ARFGAP1: variants seen among roughly 807,000 people sequenced by gnomAD.
ARFGAP1 encodes ARF GTPase activating protein 1.
ARFGAP1 carries 26 observed loss-of-function variants against 54.0 expected under a neutral mutation model. That is an observed-to-expected ratio of 0.48 (90% CI 0.35 to 0.67). ARFGAP1 has a LOEUF of 0.67. ARFGAP1 is among the 30% of genes least tolerant of loss of function. ARFGAP1 has a pLI of 0.00. For synonymous variants in ARFGAP1, 248 were observed against 211.9 expected, an observed-to-expected ratio of 1.17 and a Z score of -1.48; for missense variants, 525 against 535.8, an observed-to-expected ratio of 0.98 and a Z score of 0.20.
At chr20:63,285,956 C>G (rs1419903086) in intron 11 of ARFGAP1, 14 of 1,502,566 alleles carry the variant, frequency 9.3e-6, no homozygotes, top group Non-Finnish European at 1.2e-5. Context: ...CTTGCTGCTG[C>G]TGGCCTTTTC....
chr20:63,281,545 C>T (rs546839036), intron 8 of ARFGAP1, among the ~76,000 whole-genome samples, 198 bp downstream of exon 8: 2 of 152,194 alleles, frequency 1.3e-5, no homozygotes, highest in East Asian at 3.9e-4. Context: ...ACACAGCAGC[C>T]CAGGCTGTCA....
In ARFGAP1 at chr20:63,278,951, A is replaced by G. The variant is rs2067307945; in HGVS notation, c.583A>G (p.Lys195Glu). 1 of 1,614,122 alleles carries G rather than the reference A, an allele frequency of 6.2e-7. No homozygotes were observed. The highest frequency in any genetic ancestry group is 1.7e-5 in the Admixed American group (1 of 60,028). The change falls in exon 7 of 13, where the codon AAA becomes GAA. Residue 195 changes from lysine to glutamate, a missense_variant. Physicochemically the swap from Lys to Glu is moderately conservative, Grantham distance 56. Coordinates refer to ENST00000370283, the MANE Select transcript of ARFGAP1 (RefSeq NM_018209.4). ...TGGGAACACGCCACCGCCTCAGAAG[A>G]AAGAAGATGACTTCCTCAACAACGC... ...GFGNTPPPQK[K>E]EDDFLNNAMS...
chr20:63,278,994 C>CGGTGAGGA lies in ARFGAP1; in HGVS notation c.627_627+7dup. 6.2e-7 allele frequency: 1 copy of CGGTGAGGA among 1,613,868 alleles called. No individual in the cohort carries two copies. The highest frequency in any genetic ancestry group is 8.5e-7 in the Non-Finnish European group (1 of 1,179,990). On this transcript the variant is annotated frameshift_variant and splice_region_variant, in exon 7 of 13. Transcript: ENST00000370283. LOFTEE classifies it high-confidence loss of function. ...AACAACGCCATGTCCTCCCTGTACTCGGTGAGGACTTGGCCCTGCAGAGCA... is the reference window on the plus strand; with the variant it reads ...AACAACGCCATGTCCTCCCTGTACTCGGTGAGGAGGTGAGGACTTGGCCCTGCAGAGCA...
chr20:63,287,524 G>A (rs757369456), intron 12 of ARFGAP1, 40 bp from the exon 13 acceptor site: 5 of 1,525,902 alleles, frequency 3.3e-6, no homozygotes, highest in South Asian at 2.5e-5. Context: ...GGTGGACTGA[G>A]TAACAGTCAT....
Position 63,287,551 on chromosome 20 carries a change from G to T in ARFGAP1, c.912-13G>T, listed in dbSNP as rs780461935. 3 of 1,568,408 alleles carry T rather than the reference G, an allele frequency of 1.9e-6. No individual in the cohort carries two copies. The highest frequency in any genetic ancestry group is 1.8e-5 in the Admixed American group (1 of 54,398). On this transcript the variant is annotated splice_polypyrimidine_tract_variant and intron_variant, in intron 12 of 12. Coordinates refer to ENST00000370283, the MANE Select transcript of ARFGAP1 (RefSeq NM_018209.4). The stretch of plus-strand genomic sequence containing the variant: ...AACAGTCATTTAGAGTCCCCCTTCT[G>T]TCTCTTTAAAAGCCCCTCGGAGGGC...
At chr20:63,274,486 A>C (rs2067185798) in intron 1 of ARFGAP1, among the ~76,000 whole-genome samples, 1 of 152,136 alleles carries the variant, frequency 6.6e-6, no homozygotes, top group South Asian at 2.1e-4. Flanking sequence ...AAGGGCTGGC[A>C]CTGGGAAGGT....
intron 11 of ARFGAP1, chr20:63,286,154 TG>T: frequency 6.5e-7 from 1 of 1,550,290 alleles, no homozygotes; most frequent in Non-Finnish European, 8.7e-7. Context: ...TGCACGAGGC[TG>T]TCCTCGCTGC....
At chr20:63,283,763 C>T in intron 9 of ARFGAP1, 7 of 1,485,736 alleles carry the variant, frequency 4.7e-6, no homozygotes, top group Non-Finnish European at 5.6e-6. Context: ...GTTGCGGCAC[C>T]CCATGGTGGG....
At chr20:63,280,443 C>T (rs574771166) in intron 7 of ARFGAP1, among the ~76,000 whole-genome samples, 89 of 152,292 alleles carry the variant, frequency 5.8e-4, no homozygotes, top group African/African-American at 2.1e-3. Context: ...CAGGCATGAG[C>T]CACCATGCCT....
In ARFGAP1 at chr20:63,278,321, G is replaced by A. The variant is rs930700513; in HGVS notation, c.530+118G>A. ...TGCAGTGGGTGTGGGACCCAGGCAT[G>A]CGCGGTGCAGGGTCTGATTGCAGTG... On this transcript the variant is annotated intron_variant, in intron 6 of 12. Transcript: ENST00000370283. The A allele has an allele frequency of 1.1e-5, 11 of 1,030,092 alleles. No individual in the cohort carries two copies. In the Admixed American group the frequency reaches 1.6e-4, roughly 15 times the overall value. 63.8% of individuals were successfully genotyped at this position (1,030,092 alleles called of 1,614,324 possible). A position where few individuals can be genotyped will look rare whatever the true frequency, so the allele number is the denominator to read the frequency against.
chr20:63,276,065 G>C lies in ARFGAP1; in HGVS notation c.61-26G>C, dbSNP rs1256989110. 3 of 1,605,750 alleles carry C rather than the reference G, an allele frequency of 1.9e-6. No homozygotes were observed. Among genetic ancestry groups the C allele is most frequent in the African/African-American group, 2.7e-5 (2 of 74,750 alleles). On this transcript the variant is annotated intron_variant, in intron 2 of 12. Coordinates refer to ENST00000370283, the MANE Select transcript of ARFGAP1 (RefSeq NM_018209.4). This position sits in a 1 kb window ranked among gnomAD's most constrained non-coding sequence, Gnocchi z 5.2. ...CCTGGGCTCTGCCCTGAGCCACCTG[G>C]TGAGTCACTTGTGGCCCCTTTGCAG...
intron 9 of ARFGAP1, chr20:63,283,227 A>C (rs993590878): frequency 3.3e-6 from 1 of 306,272 alleles, no homozygotes; most frequent in African/African-American, 2.1e-5. Context: ...GGCACACTGG[A>C]CGCGTCTGCA....
chr20:63,285,580 G>C (rs1052418337), intron 10 of ARFGAP1, 74 bp from the exon 11 acceptor site: 47 of 1,509,216 alleles, frequency 3.1e-5, no homozygotes, highest in Middle Eastern at 1.7e-4. Flanking sequence ...TCACCCGGGG[G>C]ATTCCTGCAC....
In ARFGAP1 at chr20:63,277,144, G is replaced by A. The variant is rs370379235; in HGVS notation, c.343-61G>A. 7.8e-5 allele frequency: 115 copies of A among 1,472,974 alleles called. No homozygotes were observed. The African/African-American group carries it at 1.1e-3, about 14-fold the overall frequency. The allele number at this position is 1,472,974 out of a possible 1,614,324, so 91.2% of individuals were successfully genotyped here. On this transcript the variant is annotated intron_variant, in intron 4 of 12. Coordinates refer to ENST00000370283, the MANE Select transcript of ARFGAP1 (RefSeq NM_018209.4). ...CCGTGGGGGGTGCGCTGGAGTCGAC[G>A]GTGCCCGAGGGCATCGCCAGGCGCC...
intron 7 of ARFGAP1, among the ~76,000 whole-genome samples, chr20:63,280,998 G>C (rs1169194993): frequency 6.6e-6 from 1 of 152,216 alleles, no homozygotes; most frequent in Non-Finnish European, 1.5e-5. Flanking sequence ...GAGGGGTCCT[G>C]CCCTGCAGGG....
rs761301351 is a variant in ARFGAP1, at chr20:63,278,099, T to G, written c.444-18T>G. ...TCACCCAGTTTTGGCCTTACCAGCCTTCGATTCTCGGTTTCAGAGTCTCTG... is the reference window on the plus strand; with the variant it reads ...TCACCCAGTTTTGGCCTTACCAGCCGTCGATTCTCGGTTTCAGAGTCTCTG... On this transcript the variant is annotated intron_variant, in intron 5 of 12. Coordinates refer to ENST00000370283, the MANE Select transcript of ARFGAP1 (RefSeq NM_018209.4). The G allele has an allele frequency of 1.2e-6, 2 of 1,613,122 alleles. No individual in the cohort carries two copies. The highest frequency in any genetic ancestry group is 2.2e-5 in the South Asian group (2 of 91,076).
At chr20:63,274,581 C>T (rs543314052) in intron 1 of ARFGAP1, among the ~76,000 whole-genome samples, 7 of 152,010 alleles carry the variant, frequency 4.6e-5, no homozygotes, top group South Asian at 4.2e-4. Flanking sequence ...GAACAGCACA[C>T]GGCTCCATTC....
Position 63,287,904 on chromosome 20 carries a change from C to T in ARFGAP1, c.*31C>T, listed in dbSNP as rs563190465. The T allele has an allele frequency of 1.2e-4, 175 of 1,472,128 alleles. No individual in the cohort carries two copies. The highest frequency in any genetic ancestry group is 5.8e-4 in the South Asian group (44 of 75,840). The allele number at this position is 1,472,128 out of a possible 1,614,324, so 91.2% of individuals were successfully genotyped here. A position where few individuals can be genotyped will look rare whatever the true frequency, so the allele number is the denominator to read the frequency against. On this transcript the variant is annotated 3_prime_UTR_variant, in exon 13 of 13. Transcript: ENST00000370283. The stretch of plus-strand genomic sequence containing the variant: ...ACTGCGCCCCCGTCCCCAGCGCCCC[C>T]GGGCGACTTCGTGTTTGCACTCTGC...
rs983161146 is a variant in ARFGAP1, at chr20:63,284,662, G to A, written c.718-204G>A. ...TCCTGCAAGAATTGGTGGGGGCCGC[G>A]GTCTCCGCCTTCTAGAGGTGGCGGC... On this transcript the variant is annotated intron_variant, in intron 9 of 12. Transcript: ENST00000370283. 11 of 1,417,034 alleles carry A rather than the reference G, an allele frequency of 7.8e-6. No homozygotes were observed. The Admixed American group carries it at 7.9e-5, about 10-fold the overall frequency. The allele number at this position is 1,417,034 out of a possible 1,614,324, so 87.8% of individuals were successfully genotyped here.
Sources: allele counts gnomAD v4.1 joint callset (sites outside exome capture counted in the v4.1 genomes callset), GRCh38; gene constraint gnomAD v4.1.1; non-coding constraint Gnocchi (gnomAD v3.1); transcripts MANE v1.5; gene names NCBI Gene and HGNC (gene_info 2026-07-23, HGNC 2026-07-21).